BICD1: variants seen among roughly 807,000 people sequenced by gnomAD.
BICD1 encodes the protein protein bicaudal D homolog 1.
In BICD1, 35 loss-of-function variants were observed where a neutral mutation model predicts 92.5. The observed-to-expected ratio is 0.38, with a 90% CI of 0.29 to 0.50. The LOEUF is 0.50. BICD1 is among the 20% of genes least tolerant of loss of function. The pLI is 0.93. For synonymous variants in BICD1, 429 were observed against 465.1 expected (o/e 0.92, Z 1.00); for missense variants, 950 against 1,189.8 (o/e 0.80, Z 2.97).
Position 32,379,780 on chromosome 12 carries a change from A to C in BICD1, c.*2153A>C, listed in dbSNP as rs546943115. ...GAGGGAAATATATGCCTTTTTAAAA[A>C]GTACCTCAGAACATGTTCGTAGATC... is the stretch of plus-strand genomic sequence containing the variant. On this transcript the variant is annotated 3_prime_UTR_variant, in exon 10 of 10. Transcript: ENST00000652176. 1 of 152,200 alleles carries C rather than the reference A, an allele frequency of 6.6e-6. No individual in the cohort carries two copies. The highest frequency in any genetic ancestry group is 6.5e-5 in the Admixed American group (1 of 15,272). 9.4% of individuals were successfully genotyped at this position (152,200 alleles called of 1,614,324 possible). A position where few individuals can be genotyped will look rare whatever the true frequency, so the allele number is the denominator to read the frequency against.
chr12:32,197,768 G>T (rs1218707105), intron 1 of BICD1, among the ~76,000 whole-genome samples: 2 of 152,284 alleles, frequency 1.3e-5, no homozygotes, highest in South Asian at 4.1e-4. Context: ...CAGAAAGGGG[G>T]TTTCACCCAG....
In BICD1 at chr12:32,338,513, G is replaced by A. The variant is rs539480633; in HGVS notation, c.2571-273G>A. Reference sequence around the variant, plus strand: ...GGTTAATGGTAACATTTTTATTTTAGGAGCTTTCATTAAAGACTCAAATAA... The same window carrying A: ...GGTTAATGGTAACATTTTTATTTTAAGAGCTTTCATTAAAGACTCAAATAA... On this transcript the variant is annotated intron_variant, in intron 7 of 9. Coordinates refer to ENST00000652176, the MANE Select transcript of BICD1 (RefSeq NM_001714.4). The A allele has an allele frequency of 1.7e-5, 5 of 290,966 alleles. No individual in the cohort carries two copies. The East Asian group carries it at 3.6e-4, about 21-fold the overall frequency. 18.0% of individuals were successfully genotyped at this position (290,966 alleles called of 1,614,324 possible). A position where few individuals can be genotyped will look rare whatever the true frequency, so the allele number is the denominator to read the frequency against.
At chr12:32,150,300 G>T (rs1325842801) in intron 1 of BICD1, among the ~76,000 whole-genome samples, 3 of 152,308 alleles carry the variant, frequency 2.0e-5, no homozygotes, top group Middle Eastern at 3.4e-3. Context: ...ACAAATTTTG[G>T]GAGGACATGA....
intron 6 of BICD1, among the ~76,000 whole-genome samples, chr12:32,335,641 C>T (rs1434236441): frequency 1.4e-5 from 2 of 144,584 alleles, no homozygotes; most frequent in Admixed American, 7.1e-5. Flanking sequence ...AGTGCAGTGG[C>T]GCTATCTCGG....
chr12:32,216,149 C>G (rs1225496672), intron 1 of BICD1, 98 bp from the exon 2 acceptor site: 5 of 1,262,392 alleles, frequency 4.0e-6, no homozygotes, highest in Middle Eastern at 2.8e-4. Context: ...GGTAGCTTTT[C>G]TTACACATAT....
chr12:32,306,956 G>C (rs1948246805), intron 4 of BICD1, among the ~76,000 whole-genome samples: 1 of 151,858 alleles, frequency 6.6e-6, no homozygotes, highest in East Asian at 1.9e-4. Flanking sequence ...GGTGGAGATT[G>C]CAGTGAGCCG....
In BICD1 at chr12:32,349,079, T is replaced by G. The variant is rs189813722; in HGVS notation, c.2764+10100T>G. On this transcript the variant is annotated intron_variant, in intron 8 of 9. Transcript: ENST00000652176. ...AGTTGGGTGCTGAACAATCTACCTG[T>G]AACATTCCCTTGCCTTCATATCCCA... Among the ~76,000 whole-genome samples the G allele has an allele frequency of 1.8e-3, 275 of 152,202 alleles. 3 individuals carry two copies. The highest frequency in any genetic ancestry group is 6.4e-3 in the African/African-American group (267 of 41,530).
chr12:32,182,484 T>C (rs988563641), intron 1 of BICD1, among the ~76,000 whole-genome samples: 16 of 151,532 alleles, frequency 1.1e-4, no homozygotes, highest in Non-Finnish European at 1.8e-4. Context: ...GCTTTCATCA[T>C]GTTGGCCAGG....
Position 32,216,345 on chromosome 12 carries a change from C to T in BICD1, c.312C>T (p.Tyr104=). 1 of 1,614,170 alleles carries T rather than the reference C, an allele frequency of 6.2e-7. No individual in the cohort carries two copies. Among genetic ancestry groups the T allele is most frequent in the Non-Finnish European group, 8.5e-7 (1 of 1,180,038 alleles). Residue 104 remains tyrosine (Y), a synonymous_variant, in exon 2 of 10, where the codon TAC becomes TAT. Coordinates refer to ENST00000652176, the MANE Select transcript of BICD1 (RefSeq NM_001714.4). The part of the protein sequence containing the change: ...LLQESASKEA[Y]YLGKILEMQN... ...AGGAGTCAGCATCGAAGGAGGCTTACTATCTGGGGAAGATCTTGGAGATGC... is the reference window on the plus strand; with the variant it reads ...AGGAGTCAGCATCGAAGGAGGCTTATTATCTGGGGAAGATCTTGGAGATGC...
intron 2 of BICD1, among the ~76,000 whole-genome samples, chr12:32,285,410 T>C (rs1947535243): frequency 6.6e-6 from 1 of 152,158 alleles, no homozygotes; most frequent in African/African-American, 2.4e-5. Context: ...CAAGCTATTA[T>C]TAATATCTAA....
In BICD1 at chr12:32,337,846, T is replaced by A; in HGVS notation, c.2570+30T>A. On this transcript the variant is annotated intron_variant, in intron 7 of 9. Transcript: ENST00000652176. This position sits in a 1 kb window ranked among gnomAD's most constrained non-coding sequence, Gnocchi z 4.7. ...GCATGCAGCGATCTTCATAGTACGG[T>A]GCAGTGGCCAGATTTTAGTTAACTG... 6.3e-7 allele frequency: 1 copy of A among 1,597,974 alleles called. No individual in the cohort carries two copies. The highest frequency in any genetic ancestry group is 1.1e-5 in the South Asian group (1 of 90,628).
intron 1 of BICD1, among the ~76,000 whole-genome samples, chr12:32,173,884 C>G (rs192194324): frequency 1.9e-3 from 295 of 152,288 alleles, no homozygotes; most frequent in Admixed American, 8.4e-3. Context: ...GCTTATTCCA[C>G]AAATGATTTC....
intron 4 of BICD1, among the ~76,000 whole-genome samples, chr12:32,315,184 TC>T (rs1230542583): frequency 3.3e-5 from 5 of 152,220 alleles, no homozygotes; most frequent in African/African-American, 1.2e-4. Context: ...CATCCAGTTG[TC>T]CCAGCACCAT....
At chr12:32,115,670 A>C (rs1283656390) in intron 1 of BICD1, among the ~76,000 whole-genome samples, 7 of 152,208 alleles carry the variant, frequency 4.6e-5, no homozygotes, top group African/African-American at 1.7e-4. Context: ...GTAGGTTTGC[A>C]TAAAAGAAAC....
At chr12:32,257,911 A>C (rs1198324029) in intron 2 of BICD1, among the ~76,000 whole-genome samples, 1 of 152,204 alleles carries the variant, frequency 6.6e-6, no homozygotes, top group Non-Finnish European at 1.5e-5. Context: ...TTGTGTGACT[A>C]TACTACATTT....
chr12:32,325,873 G>A (rs1950041029), intron 4 of BICD1, among the ~76,000 whole-genome samples: 1 of 151,722 alleles, frequency 6.6e-6, no homozygotes, highest in Non-Finnish European at 1.5e-5. Flanking sequence ...ACGAGGTCAG[G>A]AGATCGAGAC....
chr12:32,301,559 C>T (rs1368817370), intron 3 of BICD1, among the ~76,000 whole-genome samples: 1 of 151,482 alleles, frequency 6.6e-6, no homozygotes, highest in Non-Finnish European at 1.5e-5. Flanking sequence ...AGGATTGCTT[C>T]GGTCCAGGAG....
intron 4 of BICD1, among the ~76,000 whole-genome samples, chr12:32,314,738 G>A (rs575988914): frequency 3.8e-4 from 58 of 150,792 alleles, no homozygotes; most frequent in Admixed American, 4.6e-4. Context: ...CTTTCTTGAT[G>A]GTGTCCTTTG....
intron 9 of BICD1, 77 bp downstream of exon 9, chr12:32,367,822 G>GA: frequency 7.7e-7 from 1 of 1,297,700 alleles, no homozygotes. Context: ...TCCGACACCT[G>GA]AACTGCCTAC....
Sources: gnomAD v4.1 joint callset for allele counts (sites outside exome capture counted in the v4.1 genomes callset) on GRCh38, gnomAD v4.1.1 for gene constraint, Gnocchi (gnomAD v3.1) non-coding constraint, MANE v1.5 for transcripts, NCBI Gene and HGNC (gene_info 2026-07-23, HGNC 2026-07-21) for gene names.